Variants in SLC12A3 observed in about 807,000 individuals in gnomAD.
SLC12A3 encodes the protein Na-Cl cotransporter.
In SLC12A3, 104 loss-of-function variants were observed where a neutral mutation model predicts 121.0. The ratio of observed to expected loss-of-function variants is 0.86; its 90% CI spans 0.73 to 1.01. The LOEUF (loss-of-function observed/expected upper bound fraction) is 1.01, where lower values mean the gene tolerates loss of function less well. Ranked by LOEUF, SLC12A3 falls within the 50% of genes least tolerant of loss-of-function variation. SLC12A3 has a pLI of 0.00. For synonymous variants in SLC12A3, 536 were observed against 533.4 expected, an observed-to-expected ratio of 1.00 and a Z score of -0.07; for missense variants, 1,328 against 1,356.3, an observed-to-expected ratio of 0.98 and a Z score of 0.33.
In SLC12A3 at chr16:56,902,405, T is replaced by C. The variant is rs896476391; in HGVS notation, c.2753T>C (p.Phe918Ser). The change falls in exon 24 of 26, where the codon TTC becomes TCC. Residue 918 changes from phenylalanine (F) to serine (S), a missense_variant. By Grantham distance (155) the Phe-to-Ser change is radical. Coordinates refer to ENST00000563236, the MANE Select transcript of SLC12A3 (RefSeq NM_001126108.2). The stretch of plus-strand genomic sequence containing the variant: ...AGGTTTGAGGACATGATTGCACCCT[T>C]CCGTCTGAATGATGGCTTCAAGGAT... ...TKRFEDMIAP[F>S]RLNDGFKDEA... The C allele has an allele frequency of 6.2e-7, 1 of 1,613,884 alleles. No homozygotes were observed. The highest frequency in any genetic ancestry group is 8.5e-7 in the Non-Finnish European group (1 of 1,179,974).
At chr16:56,900,788 C>G (rs2055527839) in intron 23 of SLC12A3, among the ~76,000 whole-genome samples, 1 of 152,140 alleles carries the variant, frequency 6.6e-6, no homozygotes, top group Admixed American at 6.5e-5. Flanking sequence ...GCCTTGGCCT[C>G]CCAAAGTGCT....
At chr16:56,883,922 G>T in intron 13 of SLC12A3, 127 bp from the exon 14 acceptor site, 1 of 986,382 alleles carries the variant, frequency 1.0e-6, no homozygotes, top group Admixed American at 2.2e-5. Flanking sequence ...GCTCATGGCT[G>T]GTGGGTACAG....
At chr16:56,872,003 T>A (rs557056503) in intron 6 of SLC12A3, among the ~76,000 whole-genome samples, 5 of 152,074 alleles carry the variant, frequency 3.3e-5, no homozygotes, top group African/African-American at 9.6e-5. Flanking sequence ...GATTACAGGT[T>A]TGAGCCACTG....
chr16:56,883,002 CA>C (rs2055261316), intron 13 of SLC12A3, among the ~76,000 whole-genome samples: 1 of 152,134 alleles, frequency 6.6e-6, no homozygotes, highest in African/African-American at 2.4e-5. Context: ...CGCGCACTGA[CA>C]GTGTGCACTT....
intron 21 of SLC12A3, among the ~76,000 whole-genome samples, chr16:56,893,328 T>G (rs2055415746): frequency 6.6e-6 from 1 of 152,194 alleles, no homozygotes; most frequent in Non-Finnish European, 1.5e-5. Context: ...AATGGGGAGA[T>G]GGGCGGTGCC....
intron 24 of SLC12A3, among the ~76,000 whole-genome samples, chr16:56,903,769 T>C (rs1447437365): frequency 6.6e-6 from 1 of 151,398 alleles, no homozygotes; most frequent in Admixed American, 6.6e-5. Flanking sequence ...CCACGCAAGT[T>C]TGGGGACTTC....
intron 25 of SLC12A3, among the ~76,000 whole-genome samples, chr16:56,906,134 G>C (rs2055605244): frequency 1.3e-5 from 2 of 152,206 alleles, no homozygotes; most frequent in African/African-American, 4.8e-5. Flanking sequence ...TTCATGAGAG[G>C]AGACCTCAGA....
rs886052159 is a variant in SLC12A3 at position 56,913,507 on chromosome 16, T to C, written c.*102T>C. ...GGATGAGACTCATGTTCTGTTGCAC[T>C]TTAAGTGGCAGCATCTGATGATCTC... On this transcript the variant is annotated 3_prime_UTR_variant, in exon 26 of 26. Coordinates refer to ENST00000563236, the MANE Select transcript of SLC12A3 (RefSeq NM_001126108.2). 3.3e-6 allele frequency: 4 copies of C among 1,204,440 alleles called. No individual in the cohort carries two copies. The highest frequency in any genetic ancestry group is 3.0e-5 in the African/African-American group (2 of 66,928). The allele number at this position is 1,204,440 out of a possible 1,614,324, so 74.6% of individuals were successfully genotyped here.
chr16:56,897,801 G>T (rs2055485250), intron 22 of SLC12A3, among the ~76,000 whole-genome samples: 1 of 152,182 alleles, frequency 6.6e-6, no homozygotes, highest in Non-Finnish European at 1.5e-5. Context: ...CGCATCCTCT[G>T]CTCTCTACAT....
rs749206626 is a variant in SLC12A3 at position 56,888,549 on chromosome 16, A to ATTTTTTT, written c.2285+539_2285+545dup. On this transcript the variant is annotated intron_variant, in intron 18 of 25. Coordinates refer to ENST00000563236, the MANE Select transcript of SLC12A3 (RefSeq NM_001126108.2). ...GGGCCCAATGTTGCCAGATCTTTTA[A>ATTTTTTT]TTTTTTTTTTTTTTTTTTTTTTTTT... Among the ~76,000 whole-genome samples the ATTTTTTT allele has an allele frequency of 6.1e-4, 52 of 85,922 alleles. 5 individuals carry two copies. Among genetic ancestry groups the ATTTTTTT allele is most frequent in the Admixed American group, 1.0e-3 (6 of 5,808 alleles). The allele number at this position is 85,922 out of a possible 152,430, so 56.4% of individuals were successfully genotyped here.
At chr16:56,872,617 C>T (rs1475917109) in intron 7 of SLC12A3, 39 bp from the exon 8 acceptor site, 5 of 1,614,014 alleles carry the variant, frequency 3.1e-6, no homozygotes, top group Non-Finnish European at 4.2e-6. Flanking sequence ...GGGTCAAGCC[C>T]TCCAGGTGAG....
rs186178566 is a variant in SLC12A3 at position 56,894,093 on chromosome 16, T to A, written c.2522-438T>A. Among the ~76,000 whole-genome samples, 216 of 151,064 alleles carry A rather than the reference T, an allele frequency of 1.4e-3. 1 individual carries two copies. The highest frequency in any genetic ancestry group is 4.6e-3 in the African/African-American group (189 of 41,060). On this transcript the variant is annotated intron_variant, in intron 21 of 25. Coordinates refer to ENST00000563236, the MANE Select transcript of SLC12A3 (RefSeq NM_001126108.2). ...ATCTCGGCTCACTGCAACCTCTGCCTCCTGAGCTCAAGTGATTCTCCTGCC... is the reference window on the plus strand; with the variant it reads ...ATCTCGGCTCACTGCAACCTCTGCCACCTGAGCTCAAGTGATTCTCCTGCC...
Position 56,868,384 on chromosome 16 carries a change from T to A in SLC12A3, c.505+12T>A. ...CCAGGCAGGCATCGGTGAGTGCCCC[T>A]CTGGGGAAGAGGAGGGAGGGCTTGC... On this transcript the variant is annotated intron_variant, in intron 3 of 25. Transcript: ENST00000563236. 6.2e-7 allele frequency: 1 copy of A among 1,609,092 alleles called. No individual in the cohort carries two copies.
intron 3 of SLC12A3, among the ~76,000 whole-genome samples, chr16:56,868,939 T>G (rs1964424414): frequency 6.6e-6 from 1 of 151,376 alleles, no homozygotes; most frequent in Non-Finnish European, 1.5e-5. Context: ...GCCACTGCAT[T>G]CCAGCCTGGG....
At chr16:56,872,892 GCTT>G in intron 8 of SLC12A3, 106 bp downstream of exon 8, 1 of 1,467,884 alleles carries the variant, frequency 6.8e-7, no homozygotes, top group Non-Finnish European at 9.4e-7. Context: ...GGGAGGCAGG[GCTT>G]CTAAAATCCA....
intron 24 of SLC12A3, chr16:56,904,152 G>A: frequency 2.1e-6 from 1 of 476,598 alleles, no homozygotes; most frequent in East Asian, 4.4e-5. Flanking sequence ...TGCTGGTTAT[G>A]GTCATAAAGT....
Position 56,884,147 on chromosome 16 carries a change from C to G in SLC12A3, c.1768C>G (p.Leu590Val). 6 of 1,614,238 alleles carry G rather than the reference C, an allele frequency of 3.7e-6. No individual in the cohort carries two copies. The highest frequency in any genetic ancestry group is 5.1e-6 in the Non-Finnish European group (6 of 1,180,024). Residue 590 changes from leucine (L) to valine (V), a missense_variant, in exon 14 of 26, where the codon CTC (leucine) becomes GTC (valine). Leu to Val is a conservative substitution (Grantham distance 32, BLOSUM62 1). Coordinates refer to ENST00000563236, the MANE Select transcript of SLC12A3 (RefSeq NM_001126108.2). ...GTTCCTCCTCACCTGGTGGGCGGCC[C>G]TCATCGCCATTGGCGTGGTGCTCTT... ...IMFLLTWWAA[L>V]IAIGVVLFLL...
chr16:56,893,934 C>T (rs1189848430), intron 21 of SLC12A3, among the ~76,000 whole-genome samples: 2 of 148,902 alleles, frequency 1.3e-5, no homozygotes, highest in Non-Finnish European at 3.0e-5. Context: ...GCTGCCACCA[C>T]ACCCAGCTAA....
chr16:56,872,919 C>T, intron 8 of SLC12A3, 133 bp downstream of exon 8: 1 of 1,179,052 alleles, frequency 8.5e-7, no homozygotes, highest in South Asian at 1.3e-5. Context: ...CAGTCCAACT[C>T]AGCTCAGTTC....
Sources: gnomAD v4.1 joint callset for allele counts (sites outside exome capture counted in the v4.1 genomes callset) on GRCh38, gnomAD v4.1.1 for gene constraint, MANE v1.5 for transcripts, NCBI Gene and HGNC (gene_info 2026-07-23, HGNC 2026-07-21) for gene names.